The following RANBP2 variants were observed in gnomAD, a reference collection of about 807,000 sequenced individuals.
The protein encoded by RANBP2 is RAN binding protein 2.
A neutral mutation model predicts 303.6 loss-of-function variants in RANBP2; 57 were observed. That is an observed-to-expected ratio of 0.19 (90% confidence interval 0.15 to 0.23). The LOEUF is 0.23. Ranked by LOEUF, RANBP2 falls within the 10% of genes least tolerant of loss-of-function variation. The pLI, the probability that RANBP2 is intolerant of heterozygous loss-of-function variation, is 1.00. For missense variants in RANBP2, 3,138 were observed against 3,780.8 expected (o/e 0.83, Z 4.46); for synonymous variants, 1,167 against 1,301.5 (o/e 0.90, Z 2.23).
the RANBP2 span, among the ~76,000 whole-genome samples, chr2:109,003,072 G>A: frequency 6.6e-6 from 1 of 151,968 alleles, no homozygotes; most frequent in Non-Finnish European, 1.5e-5. Flanking sequence ...TGGGCATGGT[G>A]ATGCTTGCCT....
intron 17 of RANBP2, among the ~76,000 whole-genome samples, chr2:108,757,735 G>A (rs1423273617): frequency 6.6e-6 from 1 of 152,190 alleles, no homozygotes; most frequent in African/African-American, 2.4e-5. Context: ...GAAAGTTGAG[G>A]AAAGAAGTTT....
the RANBP2 span, among the ~76,000 whole-genome samples, chr2:108,914,041 A>G: frequency 6.6e-6 from 1 of 151,912 alleles, no homozygotes; most frequent in Admixed American, 6.6e-5. Flanking sequence ...TGGGTGGATC[A>G]CTTGAGGTCA....
rs1695529907 is a variant in RANBP2 at position 108,735,767 on chromosome 2, A to G, written c.636+5A>G. On this transcript the variant is annotated splice_donor_5th_base_variant and intron_variant, in intron 5 of 28. Coordinates refer to ENST00000283195, the MANE Select transcript of RANBP2 (RefSeq NM_006267.5). ...TGTGTTGTACAGACCCTTAAGGTAG[A>G]TAAAAGCTATTGGGTCTTTACATTT... The G allele has an allele frequency of 6.3e-7, 1 of 1,597,490 alleles. No individual in the cohort carries two copies. The highest frequency in any genetic ancestry group is 8.5e-7 in the Non-Finnish European group (1 of 1,179,792).
At chr2:109,612,840 C>A in the RANBP2 span, among the ~76,000 whole-genome samples, 1 of 152,090 alleles carries the variant, frequency 6.6e-6, no homozygotes, top group Non-Finnish European at 1.5e-5. Context: ...AAATCTTTGT[C>A]CAGGTTCTAT....
At chr2:108,880,909 T>C in the RANBP2 span, among the ~76,000 whole-genome samples, 3 of 152,254 alleles carry the variant, frequency 2.0e-5, no homozygotes, top group Admixed American at 2.0e-4. Context: ...AACTTTCAAG[T>C]CGATTTGCTT....
At chr2:109,293,924 A>C in the RANBP2 span, among the ~76,000 whole-genome samples, 1 of 152,258 alleles carries the variant, frequency 6.6e-6, no homozygotes, top group South Asian at 2.1e-4. Flanking sequence ...CTCTTTACCA[A>C]TGGCCGGCGC....
chr2:108,787,201 G>A (rs754052184), downstream of RANBP2, among the ~76,000 whole-genome samples: 94 of 152,334 alleles, frequency 6.2e-4, no homozygotes, highest in Non-Finnish European at 8.8e-4. Context: ...TGATGTGAGT[G>A]GAGTTGTGAA....
chr2:109,008,728 C>T, the RANBP2 span, among the ~76,000 whole-genome samples: 1 of 151,184 alleles, frequency 6.6e-6, no homozygotes, highest in African/African-American at 2.4e-5. Context: ...CAGTGAAACC[C>T]CGTCTTTACT....
At chr2:109,522,386 G>A in the RANBP2 span, among the ~76,000 whole-genome samples, 1 of 151,730 alleles carries the variant, frequency 6.6e-6, no homozygotes. Flanking sequence ...CTGCCTCCTG[G>A]GTTCAAGGGA....
chr2:109,256,979 C>T, the RANBP2 span, among the ~76,000 whole-genome samples: 5 of 152,134 alleles, frequency 3.3e-5, no homozygotes, highest in African/African-American at 7.2e-5. Context: ...GGAGTTATTC[C>T]GCCTCTGCTC....
At chr2:109,422,630 C>T in the RANBP2 span, among the ~76,000 whole-genome samples, 1 of 152,120 alleles carries the variant, frequency 6.6e-6, no homozygotes, top group East Asian at 1.9e-4. Context: ...GCTTGTCCGC[C>T]ATTCCTCTGG....
the RANBP2 span, among the ~76,000 whole-genome samples, chr2:109,004,289 T>A: frequency 6.6e-6 from 1 of 152,130 alleles, no homozygotes; most frequent in African/African-American, 2.4e-5. Flanking sequence ...GAGCCTGAAC[T>A]CAGGGAGGCT....
the RANBP2 span, among the ~76,000 whole-genome samples, chr2:108,914,994 C>T: frequency 2.6e-5 from 4 of 152,252 alleles, no homozygotes; most frequent in Non-Finnish European, 4.4e-5. Context: ...CTCACTGCAA[C>T]CTCTGCCTCC....
At chr2:108,854,504 CATTATTACTTATT>C in the RANBP2 span, among the ~76,000 whole-genome samples, 1 of 152,104 alleles carries the variant, frequency 6.6e-6, no homozygotes. Flanking sequence ...TATCAGTAGA[CATTATTACTTATT>C]ATAAAACTTT....
chr2:109,401,059 G>A, the RANBP2 span, among the ~76,000 whole-genome samples: 6 of 152,190 alleles, frequency 3.9e-5, no homozygotes, highest in African/African-American at 1.4e-4. Context: ...CACATCTGGG[G>A]GGTAAAGCCA....
the RANBP2 span, among the ~76,000 whole-genome samples, chr2:108,851,827 C>CTATA: frequency 6.6e-6 from 1 of 151,574 alleles, no homozygotes; most frequent in South Asian, 2.1e-4. Context: ...AGACGAAAAC[C>CTATA]TATATATATA....
chr2:109,064,717 T>G, the RANBP2 span, among the ~76,000 whole-genome samples: 1 of 152,186 alleles, frequency 6.6e-6, no homozygotes, highest in African/African-American at 2.4e-5. Flanking sequence ...TAAAACCTTC[T>G]GGTGTGTTAG....
At chr2:108,971,505 C>T in the RANBP2 span, among the ~76,000 whole-genome samples, 1 of 151,834 alleles carries the variant, frequency 6.6e-6, no homozygotes, top group Non-Finnish European at 1.5e-5. Flanking sequence ...AACCAGGCAT[C>T]AGTCTTTTTG....
At chr2:109,239,485 G>A in the RANBP2 span, among the ~76,000 whole-genome samples, 178 of 152,222 alleles carry the variant, frequency 1.2e-3, no homozygotes, top group Non-Finnish European at 2.1e-3. Context: ...TAGAACAAAC[G>A]GACTACAATA....
Sources: allele counts gnomAD v4.1 joint callset (sites outside exome capture counted in the v4.1 genomes callset), GRCh38; gene constraint gnomAD v4.1.1; transcripts MANE v1.5; gene names NCBI Gene and HGNC (gene_info 2026-07-23, HGNC 2026-07-21).